The following IL23R variants were observed in gnomAD, a reference collection of about 807,000 sequenced individuals.
The protein encoded by IL23R is interleukin 23 receptor.
IL23R carries 34 observed loss-of-function variants against 56.9 expected under a neutral mutation model. The ratio of observed to expected loss-of-function variants is 0.60; its 90% CI spans 0.45 to 0.80. The LOEUF (loss-of-function observed/expected upper bound fraction) is 0.80, where lower values mean the gene tolerates loss of function less well. Ranked by LOEUF, IL23R falls within the 30% of genes least tolerant of loss-of-function variation. The probability of loss-of-function intolerance (pLI) is 0.00; values close to 1 mark genes in which losing one functional copy is unlikely to be tolerated. For missense variants in IL23R, 635 were observed against 730.0 expected, an observed-to-expected ratio of 0.87 and a Z score of 1.50; for synonymous variants, 230 against 249.2, an observed-to-expected ratio of 0.92 and a Z score of 0.73.
intron 3 of IL23R, among the ~76,000 whole-genome samples, chr1:67,171,955 C>T (rs976208870): frequency 6.6e-6 from 1 of 152,190 alleles, no homozygotes. Flanking sequence ...TCCAGGACAG[C>T]CTAATAGAAA....
chr1:67,213,672 C>T (rs1477731489), intron 6 of IL23R, among the ~76,000 whole-genome samples: 3 of 152,164 alleles, frequency 2.0e-5, no homozygotes, highest in East Asian at 3.8e-4. Flanking sequence ...CTAGAAGCAA[C>T]AGGCTATACC....
rs72241835 is a variant in IL23R, at chr1:67,222,102, C to CTTTTTTTTTTTTTTTTT, written c.955+2384_955+2400dup. On this transcript the variant is annotated intron_variant, in intron 7 of 10. Coordinates refer to ENST00000347310, the MANE Select transcript of IL23R (RefSeq NM_144701.3). Reference sequence around the variant, plus strand: ...TCCTTTTCTCTTTCTTTCTTTCTTTCTTTTTTTTTTTTTTTTTTTTTTTTT... The same window carrying CTTTTTTTTTTTTTTTTT: ...TCCTTTTCTCTTTCTTTCTTTCTTTCTTTTTTTTTTTTTTTTTTTTTTTTTTTTTTTTTTTTTTTTTT... 3.6e-3 allele frequency among the ~76,000 whole-genome samples: 213 copies of CTTTTTTTTTTTTTTTTT among 58,908 alleles called. 1 individual carries two copies. The highest frequency in any genetic ancestry group is 0.012 in the Middle Eastern group (1 of 84). 38.6% of individuals were successfully genotyped at this position (58,908 alleles called of 152,430 possible). A position where few individuals can be genotyped will look rare whatever the true frequency, so the allele number is the denominator to read the frequency against.
downstream of IL23R, among the ~76,000 whole-genome samples, chr1:67,263,133 A>T (rs6665959): frequency 7.0e-4 from 46 of 65,412 alleles, no homozygotes; most frequent in South Asian, 9.0e-4. Flanking sequence ...TTTTTTTTTT[A>T]ACAGGTCACC....
chr1:67,182,527 C>T (rs1277493736), intron 3 of IL23R, among the ~76,000 whole-genome samples: 2 of 152,142 alleles, frequency 1.3e-5, no homozygotes, highest in Non-Finnish European at 2.9e-5. Context: ...TTCCAGGTGC[C>T]ATCTGTCACC....
intron 4 of IL23R, among the ~76,000 whole-genome samples, chr1:67,185,395 TA>T (rs1031955951): frequency 2.6e-5 from 4 of 152,184 alleles, no homozygotes; most frequent in East Asian, 1.9e-4. Context: ...ACCTTCTTTT[TA>T]AAAAAAATCT....
chr1:67,249,026 G>T (rs1451068528), intron 9 of IL23R, among the ~76,000 whole-genome samples: 1 of 152,110 alleles, frequency 6.6e-6, no homozygotes, highest in Non-Finnish European at 1.5e-5. Flanking sequence ...GGATGAACTT[G>T]GTACCTCAGA....
At chr1:67,198,597 G>T (rs1245948292) in intron 4 of IL23R, among the ~76,000 whole-genome samples, 3 of 152,092 alleles carry the variant, frequency 2.0e-5, no homozygotes, top group African/African-American at 7.2e-5. Context: ...CACAGTGCAT[G>T]ACTCCCTTTC....
At chr1:67,152,880 G>A (rs1310668055) in intron 1 of IL23R, among the ~76,000 whole-genome samples, 1 of 152,194 alleles carries the variant, frequency 6.6e-6, no homozygotes, top group African/African-American at 2.4e-5. Context: ...TCGCATTGAT[G>A]TTCATTAGGG....
intron 6 of IL23R, among the ~76,000 whole-genome samples, chr1:67,208,633 A>T (rs1649244473): frequency 6.6e-6 from 1 of 152,210 alleles, no homozygotes; most frequent in African/African-American, 2.4e-5. Context: ...GAGGTTTGGG[A>T]ACCTCCACCT....
chr1:67,185,390 C>T (rs904692464), intron 4 of IL23R, among the ~76,000 whole-genome samples: 3 of 151,994 alleles, frequency 2.0e-5, no homozygotes, highest in African/African-American at 7.2e-5. Flanking sequence ...GAATAACCTT[C>T]TTTTTAAAAA....
chr1:67,204,225 C>T (rs563027656), intron 5 of IL23R, among the ~76,000 whole-genome samples: 1 of 152,020 alleles, frequency 6.6e-6, no homozygotes, highest in Admixed American at 6.6e-5. Context: ...CACCTCGCCC[C>T]GCTAATTTTT....
chr1:67,149,432 G>A (rs922283219), intron 1 of IL23R, among the ~76,000 whole-genome samples: 8 of 151,986 alleles, frequency 5.3e-5, no homozygotes, highest in South Asian at 4.2e-4. Flanking sequence ...ACCTGTCTCC[G>A]CTTCTCCTTG....
chr1:67,224,495 GC>G (rs1650490351), intron 7 of IL23R, among the ~76,000 whole-genome samples: 1 of 152,184 alleles, frequency 6.6e-6, no homozygotes, highest in Admixed American at 6.5e-5. Context: ...GCAAAATTCT[GC>G]CCAGCTAAGA....
chr1:67,219,565 C>T lies in IL23R; in HGVS notation c.799-9C>T. ...ACCACATTTTATTATTGTTACCCAT[C>T]CATTTTAGGTTAAAGAATTTGACAC... On this transcript the variant is annotated splice_polypyrimidine_tract_variant and intron_variant, in intron 6 of 10. Coordinates refer to ENST00000347310, the MANE Select transcript of IL23R (RefSeq NM_144701.3). 1.9e-6 allele frequency: 3 copies of T among 1,612,350 alleles called. No homozygotes were observed. The highest frequency in any genetic ancestry group is 2.5e-6 in the Non-Finnish European group (3 of 1,178,812).
rs561097981 is a variant in IL23R at position 67,192,905 on chromosome 1, T to G, written c.492-7832T>G. ...AGTTTTCACAGTAATCCTTTTCACA[T>G]GCACCTCAGGCCATGTCACCCTTCT... is the stretch of plus-strand genomic sequence containing the variant. On this transcript the variant is annotated intron_variant, in intron 4 of 10. Transcript: ENST00000347310. Among the ~76,000 whole-genome samples, 3 of 152,290 alleles carry G rather than the reference T, an allele frequency of 2.0e-5. No homozygotes were observed. The South Asian group carries it at 6.2e-4, about 32-fold the overall frequency.
At chr1:67,154,033 G>C (rs1212282236) in intron 1 of IL23R, among the ~76,000 whole-genome samples, 1 of 152,232 alleles carries the variant, frequency 6.6e-6, no homozygotes, top group Non-Finnish European at 1.5e-5. Context: ...CTCCCAAAGT[G>C]CTGGGATTAC....
intron 1 of IL23R, among the ~76,000 whole-genome samples, chr1:67,161,125 T>C (rs1646814629): frequency 6.6e-6 from 1 of 152,208 alleles, no homozygotes; most frequent in Non-Finnish European, 1.5e-5. Flanking sequence ...CTAGGTCAAT[T>C]TTGAAGCAGA....
intron 4 of IL23R, among the ~76,000 whole-genome samples, chr1:67,191,693 T>C (rs1156523888): frequency 3.3e-5 from 5 of 152,220 alleles, no homozygotes; most frequent in African/African-American, 1.2e-4. Flanking sequence ...ATGTTTTATG[T>C]CCTCACCACT....
At chr1:67,151,562 C>T (rs1271094335) in intron 1 of IL23R, among the ~76,000 whole-genome samples, 1 of 152,106 alleles carries the variant, frequency 6.6e-6, no homozygotes, top group East Asian at 1.9e-4. Flanking sequence ...AGGTTTTCTT[C>T]TAGGGTTTTT....
Sources: gnomAD v4.1 joint callset for allele counts (sites outside exome capture counted in the v4.1 genomes callset) on GRCh38, gnomAD v4.1.1 for gene constraint, MANE v1.5 for transcripts, NCBI Gene and HGNC (gene_info 2026-07-23, HGNC 2026-07-21) for gene names.